The following ABTB3 variants were observed in gnomAD, a reference collection of about 807,000 sequenced individuals.
The protein encoded by ABTB3 is ankyrin repeat- and BTB/POZ domain-containing protein 3.
the ABTB3 span, among the ~76,000 whole-genome samples, chr12:107,336,785 A>T: frequency 6.6e-6 from 1 of 152,224 alleles, no homozygotes; most frequent in Non-Finnish European, 1.5e-5. Flanking sequence ...GCAAGCACAG[A>T]TATTTGTCTG....
the ABTB3 span, among the ~76,000 whole-genome samples, chr12:107,412,590 C>G: frequency 8.5e-5 from 13 of 152,184 alleles, no homozygotes; most frequent in Non-Finnish European, 1.2e-4. Context: ...AAGGGCTGTG[C>G]CAGGTGACAT....
At chr12:107,480,771 T>C in the ABTB3 span, among the ~76,000 whole-genome samples, 1 of 152,278 alleles carries the variant, frequency 6.6e-6, no homozygotes, top group African/African-American at 2.4e-5. Flanking sequence ...GATGGCCCAC[T>C]GCATCCACTT....
the ABTB3 span, among the ~76,000 whole-genome samples, chr12:107,437,544 A>G: frequency 6.6e-6 from 1 of 152,038 alleles, no homozygotes; most frequent in South Asian, 2.1e-4. Flanking sequence ...TTACAGGTGT[A>G]TGCCACCACA....
chr12:107,586,074 T>C, the ABTB3 span, among the ~76,000 whole-genome samples: 1 of 150,266 alleles, frequency 6.7e-6, no homozygotes, highest in Admixed American at 6.6e-5. Flanking sequence ...CAAAACAGGG[T>C]GTAGGGGTAG....
chr12:107,580,765 T>C, the ABTB3 span: 1 of 1,438,132 alleles, frequency 7.0e-7, no homozygotes, highest in Non-Finnish European at 9.2e-7. Context: ...CACGGGGCGC[T>C]GATTGGTTTT....
chr12:107,530,065 G>A, the ABTB3 span, among the ~76,000 whole-genome samples: 6 of 152,198 alleles, frequency 3.9e-5, no homozygotes, highest in Admixed American at 1.3e-4. Flanking sequence ...GTCTTCAATT[G>A]TTAGGAGAAT....
chr12:107,550,571 CTTTCTTTCTTTCT>C, the ABTB3 span, among the ~76,000 whole-genome samples: 3 of 142,466 alleles, frequency 2.1e-5, no homozygotes, highest in Admixed American at 6.9e-5. Flanking sequence ...AATTTTCTTT[CTTTCTTTCTTTCT>C]TTTTTTTTTT....
the ABTB3 span, among the ~76,000 whole-genome samples, chr12:107,445,970 A>G: frequency 6.2e-5 from 9 of 145,632 alleles, no homozygotes; most frequent in South Asian, 2.1e-4. Flanking sequence ...CCTTGTAATT[A>G]CATTGGCCCA....
At chr12:107,577,354 G>C in the ABTB3 span, among the ~76,000 whole-genome samples, 1 of 152,150 alleles carries the variant, frequency 6.6e-6, no homozygotes, top group African/African-American at 2.4e-5. Flanking sequence ...GGCAGATCCA[G>C]GGCTGGGATT....
the ABTB3 span, among the ~76,000 whole-genome samples, chr12:107,368,160 C>T: frequency 2.6e-5 from 4 of 152,348 alleles, no homozygotes; most frequent in African/African-American, 7.2e-5. Context: ...CTTGGCTCCA[C>T]TACATATCCA....
At chr12:107,563,706 G>A in the ABTB3 span, among the ~76,000 whole-genome samples, 2 of 152,192 alleles carry the variant, frequency 1.3e-5, no homozygotes, top group African/African-American at 4.8e-5. Flanking sequence ...CATTGGATCA[G>A]TATCTTGAAA....
At chr12:107,345,504 A>AG in the ABTB3 span, among the ~76,000 whole-genome samples, 1 of 151,774 alleles carries the variant, frequency 6.6e-6, no homozygotes, top group Non-Finnish European at 1.5e-5. Flanking sequence ...CTTAAGCAGA[A>AG]GGGGGGGATT....
At chr12:107,520,613 G>A in the ABTB3 span, 36 of 1,614,028 alleles carry the variant, frequency 2.2e-5, no homozygotes, top group Non-Finnish European at 2.5e-5. Flanking sequence ...CTGGCCACGC[G>A]CGTAGGCAGC....
At chr12:107,654,021 A>T in the ABTB3 span, among the ~76,000 whole-genome samples, 1 of 152,206 alleles carries the variant, frequency 6.6e-6, no homozygotes, top group Non-Finnish European at 1.5e-5. Context: ...GGGGTGTCAC[A>T]TAAGTGGAAT....
chr12:107,440,300 G>C, the ABTB3 span, among the ~76,000 whole-genome samples: 1 of 152,186 alleles, frequency 6.6e-6, no homozygotes. Flanking sequence ...ACAGCCACAG[G>C]GACCTTCTTT....
At chr12:107,534,328 C>T in the ABTB3 span, among the ~76,000 whole-genome samples, 2 of 151,374 alleles carry the variant, frequency 1.3e-5, no homozygotes, top group Admixed American at 6.6e-5. Context: ...TAGCAATAAA[C>T]ACCTACATCA....
the ABTB3 span, among the ~76,000 whole-genome samples, chr12:107,558,301 C>T: frequency 6.6e-6 from 1 of 152,190 alleles, no homozygotes; most frequent in Admixed American, 6.5e-5. Context: ...TAGTAAAAAG[C>T]CACTGCCTCA....
At chr12:107,620,856 T>C in the ABTB3 span, among the ~76,000 whole-genome samples, 1 of 152,206 alleles carries the variant, frequency 6.6e-6, no homozygotes, top group Middle Eastern at 3.2e-3. Context: ...TGGGGTTTTT[T>C]GGTGATGCTC....
At chr12:107,478,572 C>T in the ABTB3 span, among the ~76,000 whole-genome samples, 2 of 152,146 alleles carry the variant, frequency 1.3e-5, no homozygotes, top group African/African-American at 4.8e-5. Flanking sequence ...TCATAGTGGA[C>T]AACTGCTGAA....
Sources: allele counts gnomAD v4.1 joint callset (sites outside exome capture counted in the v4.1 genomes callset), GRCh38; gene constraint gnomAD v4.1.1; transcripts MANE v1.5; gene names NCBI Gene and HGNC (gene_info 2026-07-23, HGNC 2026-07-21).